The following RHPN2 variants were observed in gnomAD, a reference collection of about 807,000 sequenced individuals.
RHPN2 encodes the protein rhophilin Rho GTPase binding protein 2.
A neutral mutation model predicts 79.0 loss-of-function variants in RHPN2; 40 were observed. The ratio of observed to expected loss-of-function variants is 0.51; its 90% CI spans 0.39 to 0.66. RHPN2 has a LOEUF of 0.66. RHPN2 is among the 30% of genes least tolerant of loss of function. The pLI, the probability that RHPN2 is intolerant of heterozygous loss-of-function variation, is 0.00. For synonymous variants in RHPN2, 285 were observed against 363.5 expected (o/e 0.78, Z 2.46); for missense variants, 686 against 883.5 (o/e 0.78, Z 2.83).
chr19:33,030,528 G>T (rs996109282), intron 2 of RHPN2, among the ~76,000 whole-genome samples: 3 of 152,096 alleles, frequency 2.0e-5, no homozygotes, highest in African/African-American at 7.2e-5. Context: ...GGGAGGTGGA[G>T]GTTGCAGTGA....
chr19:33,005,054 G>T (rs900688584), intron 7 of RHPN2, among the ~76,000 whole-genome samples: 1 of 151,340 alleles, frequency 6.6e-6, no homozygotes. Context: ...GGCTCACAGG[G>T]GACCAGGCTC....
At chr19:33,031,985 T>C (rs1022639230) in intron 2 of RHPN2, among the ~76,000 whole-genome samples, 8 of 149,332 alleles carry the variant, frequency 5.4e-5, no homozygotes, top group African/African-American at 2.0e-4. Flanking sequence ...CCCAAAGTGC[T>C]GGGATTACAG....
At chr19:32,995,838 A>C (rs1212230643) in intron 11 of RHPN2, among the ~76,000 whole-genome samples, 188 bp downstream of exon 11, 3 of 152,176 alleles carry the variant, frequency 2.0e-5, no homozygotes, top group Non-Finnish European at 1.5e-5. Context: ...CAGCCTGGGC[A>C]ACAGAGCGAG....
At chr19:33,006,074 T>A (rs1323933340) in intron 7 of RHPN2, among the ~76,000 whole-genome samples, 1 of 152,002 alleles carries the variant, frequency 6.6e-6, no homozygotes, top group Non-Finnish European at 1.5e-5. Flanking sequence ...GAGATGGAGT[T>A]TCGCCTTGTT....
intron 2 of RHPN2, among the ~76,000 whole-genome samples, chr19:33,032,016 C>CTT (rs34807523): frequency 0.016 from 1,501 of 91,230 alleles, 104 homozygotes; most frequent in East Asian, 0.091. Flanking sequence ...CCGGGCCGGT[C>CTT]TTTTTTTTTT....
intron 1 of RHPN2, among the ~76,000 whole-genome samples, chr19:33,061,570 G>A (rs867061576): frequency 2.4e-4 from 36 of 150,454 alleles, no homozygotes; most frequent in African/African-American, 7.6e-4. Context: ...TGCAACCTCC[G>A]CCTCCTGGGT....
intron 2 of RHPN2, among the ~76,000 whole-genome samples, chr19:33,029,856 C>G (rs1286331576): frequency 6.6e-6 from 1 of 152,154 alleles, no homozygotes; most frequent in Non-Finnish European, 1.5e-5. Flanking sequence ...GGGGTCCTCT[C>G]CCAGTGGAAT....
At chr19:32,985,453 C>T (rs1395236415) in intron 14 of RHPN2, among the ~76,000 whole-genome samples, 8 of 152,088 alleles carry the variant, frequency 5.3e-5, no homozygotes, top group African/African-American at 1.7e-4. Context: ...TAGGGCAACA[C>T]GGTGAAGCCC....
chr19:33,055,646 T>C (rs957919900), intron 1 of RHPN2, among the ~76,000 whole-genome samples: 1 of 151,236 alleles, frequency 6.6e-6, no homozygotes, highest in African/African-American at 2.4e-5. Flanking sequence ...AACACGAAAT[T>C]AGCCCTCACT....
At chr19:32,988,405 T>G (rs7245703) in intron 14 of RHPN2, among the ~76,000 whole-genome samples, 2 of 151,748 alleles carry the variant, frequency 1.3e-5, no homozygotes, top group African/African-American at 4.8e-5. Context: ...GGGCCACTCA[T>G]GTCTCTCTAA....
At chr19:33,026,940 A>G (rs1971972672) in intron 2 of RHPN2, 3 of 359,616 alleles carry the variant, frequency 8.3e-6, no homozygotes, top group South Asian at 4.4e-5. Flanking sequence ...CTAAAATACC[A>G]TAAGATACCC....
chr19:32,982,717 C>G (rs1355896906), intron 14 of RHPN2, among the ~76,000 whole-genome samples: 1 of 152,148 alleles, frequency 6.6e-6, no homozygotes, highest in Non-Finnish European at 1.5e-5. Flanking sequence ...CATCTGCCCC[C>G]ACTCGCTCAT....
intron 14 of RHPN2, among the ~76,000 whole-genome samples, chr19:32,984,242 A>C (rs1233753406): frequency 1.3e-5 from 2 of 152,206 alleles, no homozygotes; most frequent in Non-Finnish European, 2.9e-5. Flanking sequence ...GCTAGGCTAA[A>C]TGTTCTCTTT....
At chr19:33,048,907 C>CT (rs1247655865) in intron 1 of RHPN2, among the ~76,000 whole-genome samples, 1 of 152,042 alleles carries the variant, frequency 6.6e-6, no homozygotes, top group Non-Finnish European at 1.5e-5. Context: ...TAACTAATTC[C>CT]TTTACGTACA....
chr19:33,008,989 C>A (rs888877289), intron 6 of RHPN2, among the ~76,000 whole-genome samples: 4 of 150,442 alleles, frequency 2.7e-5, no homozygotes, highest in African/African-American at 4.9e-5. Flanking sequence ...GGAAACATTA[C>A]TAAGTGAAAG....
chr19:33,002,047 C>T (rs931681266), intron 9 of RHPN2, among the ~76,000 whole-genome samples, 200 bp downstream of exon 9: 2 of 152,170 alleles, frequency 1.3e-5, no homozygotes, highest in Non-Finnish European at 2.9e-5. Flanking sequence ...GCCTCTTCTT[C>T]CTCCCTCTAA....
intron 1 of RHPN2, among the ~76,000 whole-genome samples, chr19:33,061,080 A>C (rs1972275453): frequency 6.6e-6 from 1 of 152,100 alleles, no homozygotes; most frequent in East Asian, 1.9e-4. Context: ...AGCAAGATGC[A>C]TGACCCTGAA....
At chr19:33,042,950 G>A (rs1172776091) in intron 2 of RHPN2, among the ~76,000 whole-genome samples, 1 of 152,020 alleles carries the variant, frequency 6.6e-6, no homozygotes, top group Admixed American at 6.6e-5. Flanking sequence ...ACGGTGGCGG[G>A]CACCTGTAAT....
chr19:33,046,411 G>T (rs1351316395), intron 1 of RHPN2, among the ~76,000 whole-genome samples: 1 of 151,960 alleles, frequency 6.6e-6, no homozygotes, highest in Non-Finnish European at 1.5e-5. Flanking sequence ...GATTACAGGC[G>T]TGCACCACCA....
Sources: allele counts gnomAD v4.1 joint callset (sites outside exome capture counted in the v4.1 genomes callset), GRCh38; gene constraint gnomAD v4.1.1; transcripts MANE v1.5; gene names NCBI Gene and HGNC (gene_info 2026-07-23, HGNC 2026-07-21).